Variants in ARFGAP3 observed in about 807,000 individuals in gnomAD.
ARFGAP3 encodes ARF GTPase activating protein 3.
A neutral mutation model predicts 75.0 loss-of-function variants in ARFGAP3; 72 were observed. The observed-to-expected ratio is 0.96, with a 90% CI of 0.79 to 1.17. The LOEUF is 1.17. ARFGAP3 is among the 50% of genes most tolerant of loss of function. ARFGAP3 has a pLI of 0.00. For missense variants in ARFGAP3, 620 were observed against 626.6 expected (o/e 0.99, Z 0.11); for synonymous variants, 221 against 217.9 (o/e 1.01, Z -0.13).
intron 1 of ARFGAP3, among the ~76,000 whole-genome samples, chr22:42,849,297 A>G (rs1345498584): frequency 6.6e-6 from 1 of 152,152 alleles, no homozygotes; most frequent in African/African-American, 2.4e-5. Context: ...TAATACAGAG[A>G]GATATTCCTT....
intron 7 of ARFGAP3, among the ~76,000 whole-genome samples, chr22:42,824,705 T>C (rs1372810918): frequency 2.0e-5 from 3 of 152,132 alleles, no homozygotes; most frequent in Non-Finnish European, 4.4e-5. Flanking sequence ...ATTTTTATTT[T>C]AGATTCAGGG....
intron 3 of ARFGAP3, among the ~76,000 whole-genome samples, chr22:42,837,670 T>C (rs1262158624): frequency 2.7e-5 from 3 of 109,854 alleles, no homozygotes; most frequent in Admixed American, 1.0e-4. Context: ...ATCTAAGGCA[T>C]ACTTCTTTTT....
intron 14 of ARFGAP3, among the ~76,000 whole-genome samples, chr22:42,800,680 C>A (rs1371762329): frequency 1.3e-5 from 2 of 152,244 alleles, no homozygotes; most frequent in Admixed American, 1.3e-4. Flanking sequence ...CCTCCCATCT[C>A]CACCTCCAGC....
At chr22:42,798,725 GGT>G (rs1924718378) in intron 15 of ARFGAP3, among the ~76,000 whole-genome samples, 1 of 152,064 alleles carries the variant, frequency 6.6e-6, no homozygotes, top group Non-Finnish European at 1.5e-5. Flanking sequence ...TATTAACAGA[GGT>G]TATCCCTGTG....
At chr22:42,810,340 G>C (rs5751375) in intron 12 of ARFGAP3, among the ~76,000 whole-genome samples, 1 of 151,580 alleles carries the variant, frequency 6.6e-6, no homozygotes, top group Non-Finnish European at 1.5e-5. Flanking sequence ...GGTGTGCACC[G>C]GTAGTCTCAG....
chr22:42,844,096 G>C (rs200208552), intron 2 of ARFGAP3, among the ~76,000 whole-genome samples: 1 of 152,202 alleles, frequency 6.6e-6, no homozygotes, highest in East Asian at 1.9e-4. Flanking sequence ...CAGTGGGAGG[G>C]GAAGAAGAGG....
intron 1 of ARFGAP3, among the ~76,000 whole-genome samples, chr22:42,848,958 C>G (rs900693388): frequency 6.6e-6 from 1 of 152,174 alleles, no homozygotes; most frequent in South Asian, 2.1e-4. Context: ...CTCTCTCCCC[C>G]TCTCTCCCTC....
At chr22:42,855,795 G>A (rs1459230384) in intron 1 of ARFGAP3, among the ~76,000 whole-genome samples, 1 of 151,858 alleles carries the variant, frequency 6.6e-6, no homozygotes, top group African/African-American at 2.4e-5. Context: ...GGAGGCAGGA[G>A]GACTGCTTGA....
At chr22:42,827,472 T>C (rs1276742385) in intron 6 of ARFGAP3, among the ~76,000 whole-genome samples, 1 of 152,224 alleles carries the variant, frequency 6.6e-6, no homozygotes, top group Non-Finnish European at 1.5e-5. Context: ...GTTCAAGCCA[T>C]TATCCTGCCT....
chr22:42,840,448 G>A (rs769996257), intron 3 of ARFGAP3, among the ~76,000 whole-genome samples: 11 of 151,352 alleles, frequency 7.3e-5, no homozygotes, highest in African/African-American at 1.7e-4. Context: ...ATGGAGTCTC[G>A]CTCTGTCACC....
chr22:42,822,212 T>A, intron 9 of ARFGAP3, 58 bp downstream of exon 9: 5 of 1,389,250 alleles, frequency 3.6e-6, no homozygotes, highest in South Asian at 1.3e-5. Flanking sequence ...GAAAGCAAAA[T>A]CTTGAGTTAA....
intron 2 of ARFGAP3, among the ~76,000 whole-genome samples, chr22:42,845,047 G>T (rs1321492921): frequency 1.3e-5 from 2 of 152,144 alleles, no homozygotes; most frequent in Non-Finnish European, 2.9e-5. Context: ...GCTTAAACTG[G>T]AAGTATTCTT....
intron 3 of ARFGAP3, among the ~76,000 whole-genome samples, chr22:42,839,859 T>A (rs1926702472): frequency 6.6e-6 from 1 of 152,272 alleles, no homozygotes; most frequent in African/African-American, 2.4e-5. Flanking sequence ...GGGATCTTGA[T>A]TATTTTTATT....
chr22:42,834,610 T>A (rs1487977018), intron 4 of ARFGAP3, among the ~76,000 whole-genome samples: 1 of 152,210 alleles, frequency 6.6e-6, no homozygotes, highest in Admixed American at 6.5e-5. Context: ...TTCCAAATGA[T>A]AATCAATCCT....
At chr22:42,850,261 AG>A (rs1425505933) in intron 1 of ARFGAP3, among the ~76,000 whole-genome samples, 1 of 152,002 alleles carries the variant, frequency 6.6e-6, no homozygotes, top group African/African-American at 2.4e-5. Context: ...ATCTTTTTGC[AG>A]GAAAAAAAAA....
At position 42,831,760 on chromosome 22, in the gene ARFGAP3, G is replaced by A. The variant is rs142974156; in HGVS notation, c.478-124C>T. On this transcript the variant is annotated intron_variant, in intron 5 of 15. Transcript: ENST00000263245. ...CATTCTGAGTCCCTGTTAATGGAAA[G>A]GAAGGCATATCTACTTTTTTCTTGC... 5.8e-5 allele frequency: 87 copies of A among 1,498,482 alleles called. No homozygotes were observed. In the East Asian group the frequency reaches 2.0e-3, roughly 35 times the overall value. The allele number at this position is 1,498,482 out of a possible 1,614,324, so 92.8% of individuals were successfully genotyped here.
At chr22:42,802,971 G>GT (rs1032565415) in intron 14 of ARFGAP3, among the ~76,000 whole-genome samples, 38 of 152,178 alleles carry the variant, frequency 2.5e-4, no homozygotes, top group African/African-American at 7.9e-4. Flanking sequence ...AAGAGAAAAA[G>GT]TATTTCCAAG....
chr22:42,851,946 T>C (rs1927293733), intron 1 of ARFGAP3, among the ~76,000 whole-genome samples: 2 of 152,224 alleles, frequency 1.3e-5, no homozygotes, highest in Non-Finnish European at 2.9e-5. Context: ...GAAGGTACTA[T>C]GATCATCCCC....
intron 3 of ARFGAP3, among the ~76,000 whole-genome samples, chr22:42,840,728 T>A (rs1395084726): frequency 6.6e-6 from 1 of 152,054 alleles, no homozygotes; most frequent in Non-Finnish European, 1.5e-5. Context: ...CACACCTGAC[T>A]TGTTTGTTTT....
Sources: gnomAD v4.1 joint callset for allele counts (sites outside exome capture counted in the v4.1 genomes callset) on GRCh38, gnomAD v4.1.1 for gene constraint, MANE v1.5 for transcripts, NCBI Gene and HGNC (gene_info 2026-07-23, HGNC 2026-07-21) for gene names.